Variants in SPECC1 observed in about 807,000 individuals in gnomAD.
The protein encoded by SPECC1 is cytospin-B.
Under a neutral mutation model 104.1 loss-of-function variants are expected in SPECC1, and 62 were observed. That is an observed-to-expected ratio of 0.60 (90% CI 0.49 to 0.74). The LOEUF (loss-of-function observed/expected upper bound fraction) is 0.74, where lower values mean the gene tolerates loss of function less well. Ranked by LOEUF, SPECC1 falls within the 30% of genes least tolerant of loss-of-function variation. The probability of loss-of-function intolerance (pLI) is 0.00; values close to 1 mark genes in which losing one functional copy is unlikely to be tolerated. For synonymous variants in SPECC1, 513 were observed against 501.6 expected (o/e 1.02, Z -0.30); for missense variants, 1,306 against 1,310.5 (o/e 1.00, Z 0.05).
In SPECC1 at chr17:20,097,198, C is replaced by T. The variant is rs116552495; in HGVS notation, c.147+400C>T. Among the ~76,000 whole-genome samples, 680 of 152,260 alleles carry T rather than the reference C, an allele frequency of 4.5e-3. 5 individuals are homozygous for T. The highest frequency in any genetic ancestry group is 0.016 in the African/African-American group (647 of 41,546). ...AGCAGCATGGACGCTGTTGATTACGCCCTTCATGAGGGAGTGCGTTCTCCT... is the reference window on the plus strand; with the variant it reads ...AGCAGCATGGACGCTGTTGATTACGTCCTTCATGAGGGAGTGCGTTCTCCT... On this transcript the variant is annotated intron_variant, in intron 2 of 14. Transcript: ENST00000395527.
chr17:20,126,545 C>T (rs1434725041), intron 3 of SPECC1: 1 of 152,168 alleles, frequency 6.6e-6, no homozygotes, highest in Non-Finnish European at 1.5e-5. Flanking sequence ...GGCTCGCTCC[C>T]TTACCATCCT....
At chr17:20,156,539 C>T (rs919735976) in intron 3 of SPECC1, among the ~76,000 whole-genome samples, 3 of 152,186 alleles carry the variant, frequency 2.0e-5, no homozygotes, top group Non-Finnish European at 2.9e-5. Flanking sequence ...TAGACCAGGT[C>T]TCCTGAGCGC....
At chr17:20,187,464 T>C (rs992573108) in intron 3 of SPECC1, among the ~76,000 whole-genome samples, 1 of 152,098 alleles carries the variant, frequency 6.6e-6, no homozygotes, top group Non-Finnish European at 1.5e-5. Flanking sequence ...TTTGATGGTG[T>C]GCAGATGTGA....
rs2142278448 is a variant in SPECC1 at position 20,315,614 on chromosome 17, T to C, written c.*1549T>C. The C allele has an allele frequency of 4.3e-6, 1 of 232,086 alleles. No homozygotes were observed. Among genetic ancestry groups the C allele is most frequent in the Non-Finnish European group, 8.5e-6 (1 of 117,644 alleles). The allele number at this position is 232,086 out of a possible 1,614,324, so 14.4% of individuals were successfully genotyped here. A position where few individuals can be genotyped will look rare whatever the true frequency, so the allele number is the denominator to read the frequency against. Reference sequence around the variant, plus strand: ...CAGTGACTGCCATTACTATTCAAAGTACATCTCTGATTGCTGATCTGAGCC... The same window carrying C: ...CAGTGACTGCCATTACTATTCAAAGCACATCTCTGATTGCTGATCTGAGCC... On this transcript the variant is annotated 3_prime_UTR_variant, in exon 15 of 15. Coordinates refer to ENST00000395527, the MANE Select transcript of SPECC1 (RefSeq NM_001243439.2).
intron 3 of SPECC1, among the ~76,000 whole-genome samples, chr17:20,178,278 C>T (rs1293754851): frequency 1.3e-5 from 2 of 152,132 alleles, no homozygotes; most frequent in South Asian, 2.1e-4. Flanking sequence ...TGTTTATTCT[C>T]TTGAGACGTG....
At chr17:20,015,431 CTCTT>C (rs1445649060) in intron 1 of SPECC1, among the ~76,000 whole-genome samples, 4 of 151,632 alleles carry the variant, frequency 2.6e-5, no homozygotes, top group African/African-American at 9.7e-5. Flanking sequence ...CGGAAATGCT[CTCTT>C]TATCTTTATG....
intron 4 of SPECC1, among the ~76,000 whole-genome samples, chr17:20,223,680 A>AG (rs1477723536): frequency 6.6e-6 from 1 of 152,168 alleles, no homozygotes; most frequent in Non-Finnish European, 1.5e-5. Flanking sequence ...CTCAAAAAAA[A>AG]AAAAAAATTA....
intron 3 of SPECC1, among the ~76,000 whole-genome samples, chr17:20,174,519 C>A (rs531564654): frequency 5.1e-4 from 78 of 152,086 alleles, no homozygotes; most frequent in African/African-American, 1.8e-3. Context: ...GATGCAGCTG[C>A]GATAGCTGCC....
Position 20,318,029 on chromosome 17 carries a change from A to T in SPECC1, c.*3964A>T, listed in dbSNP as rs1342023832. ...TCAGCATCTTATTTTTTCTATACTC[A>T]GCAGAGTGTGCCATTCCCAGTTTCT... On this transcript the variant is annotated 3_prime_UTR_variant, in exon 15 of 15. Coordinates refer to ENST00000395527, the MANE Select transcript of SPECC1 (RefSeq NM_001243439.2). 4.3e-6 allele frequency: 1 copy of T among 230,024 alleles called. No individual in the cohort carries two copies. The highest frequency in any genetic ancestry group is 2.2e-5 in the African/African-American group (1 of 45,140). 14.2% of individuals were successfully genotyped at this position (230,024 alleles called of 1,614,324 possible).
At chr17:20,162,969 G>A (rs929070085) in intron 3 of SPECC1, among the ~76,000 whole-genome samples, 7 of 152,080 alleles carry the variant, frequency 4.6e-5, no homozygotes, top group South Asian at 2.1e-4. Flanking sequence ...CGGAGGTTGC[G>A]GTGAGCCAAG....
chr17:20,170,573 T>C (rs1263655325), intron 3 of SPECC1, among the ~76,000 whole-genome samples: 1 of 152,134 alleles, frequency 6.6e-6, no homozygotes, highest in African/African-American at 2.4e-5. Flanking sequence ...ACTGTCTCCT[T>C]TCATCCCTGT....
intron 7 of SPECC1, among the ~76,000 whole-genome samples, chr17:20,244,066 A>AG (rs2039317534): frequency 6.6e-6 from 1 of 151,978 alleles, no homozygotes. Flanking sequence ...AAAAAAAAAA[A>AG]TACGAAAGAT....
rs201043286 is a variant in SPECC1, at chr17:20,021,683, A to AATAT, written c.-22+12276_-22+12279dup. Among the ~76,000 whole-genome samples the AATAT allele has an allele frequency of 2.1e-3, 284 of 132,346 alleles. 2 individuals carry two copies. The highest frequency in any genetic ancestry group is 7.6e-3 in the African/African-American group (270 of 35,744). The allele number at this position is 132,346 out of a possible 152,430, so 86.8% of individuals were successfully genotyped here. On this transcript the variant is annotated intron_variant, in intron 1 of 14. Coordinates refer to ENST00000395527, the MANE Select transcript of SPECC1 (RefSeq NM_001243439.2). ...CTGATATATATATATATAATATAAT[A>AATAT]ATATATATATATATATATATTTTTT... is the stretch of plus-strand genomic sequence containing the variant.
chr17:20,230,480 T>C (rs1291493183), intron 5 of SPECC1, among the ~76,000 whole-genome samples: 1 of 148,046 alleles, frequency 6.8e-6, no homozygotes, highest in Non-Finnish European at 1.5e-5. Context: ...CCCAGCACCA[T>C]GATTGAGAAG....
At chr17:20,199,382 GGT>G (rs1491523343) in intron 3 of SPECC1, among the ~76,000 whole-genome samples, 8 of 116,066 alleles carry the variant, frequency 6.9e-5, no homozygotes, top group African/African-American at 2.4e-4. Context: ...CCACCGTGCT[GGT>G]TTTTTTTTTT....
intron 3 of SPECC1, among the ~76,000 whole-genome samples, chr17:20,164,534 G>A (rs916129976): frequency 2.0e-5 from 3 of 152,060 alleles, no homozygotes; most frequent in African/African-American, 7.2e-5. Context: ...CAGGGACAAG[G>A]TTGGGATTCT....
chr17:20,191,357 G>A (rs938960082), intron 3 of SPECC1, among the ~76,000 whole-genome samples: 3 of 152,074 alleles, frequency 2.0e-5, no homozygotes, highest in Admixed American at 6.6e-5. Context: ...AATGAGTCCC[G>A]GTTGCTCCAC....
chr17:20,124,989 A>G (rs961108949), intron 3 of SPECC1, among the ~76,000 whole-genome samples: 6 of 152,058 alleles, frequency 3.9e-5, no homozygotes, highest in Admixed American at 6.5e-5. Flanking sequence ...GACCATCCTG[A>G]CTAACACGGT....
At chr17:20,049,763 G>A (rs561599610) in intron 1 of SPECC1, among the ~76,000 whole-genome samples, 3 of 151,196 alleles carry the variant, frequency 2.0e-5, no homozygotes, top group African/African-American at 7.3e-5. Context: ...AGGATTCTAC[G>A]GTGTTTTCTT....
Sources: allele counts gnomAD v4.1 joint callset (sites outside exome capture counted in the v4.1 genomes callset), GRCh38; gene constraint gnomAD v4.1.1; transcripts MANE v1.5; gene names NCBI Gene and HGNC (gene_info 2026-07-23, HGNC 2026-07-21).